The following TSBP1 variants were observed in gnomAD, a reference collection of about 807,000 sequenced individuals.
TSBP1 encodes the protein testis expressed basic protein 1.
TSBP1 carries 56 observed loss-of-function variants against 68.8 expected under a neutral mutation model. That is an observed-to-expected ratio of 0.81 (90% CI 0.66 to 1.02). TSBP1 has a LOEUF of 1.02. Among genes scored for constraint, TSBP1 ranks in the 50% least tolerant of loss-of-function variants. TSBP1 has a pLI of 0.00. For missense variants in TSBP1, 502 were observed against 641.2 expected, an observed-to-expected ratio of 0.78 and a Z score of 2.34; for synonymous variants, 171 against 208.7, an observed-to-expected ratio of 0.82 and a Z score of 1.56.
intron 9 of TSBP1, 144 bp downstream of exon 9, chr6:32,349,596 T>C: frequency 1.6e-6 from 1 of 614,392 alleles, no homozygotes; most frequent in Non-Finnish European, 2.9e-6. Context: ...AGTGTCTGGT[T>C]ATGGAGAACA....
chr6:32,301,961 TC>T (rs879587892), intron 20 of TSBP1, among the ~76,000 whole-genome samples: 18,817 of 116,022 alleles, frequency 0.16, 1,577 homozygotes, highest in South Asian at 0.3. Flanking sequence ...ATAGTTGAAA[TC>T]ATCATCATAA....
rs9279612 is a variant in TSBP1, at chr6:32,370,407, GTATATATA to G, written c.14-432_14-425del. Among the ~76,000 whole-genome samples, 932 of 130,698 alleles carry G rather than the reference GTATATATA, an allele frequency of 7.1e-3. 19 individuals carry two copies. The highest frequency in any genetic ancestry group is 0.023 in the Middle Eastern group (6 of 262). 85.7% of individuals were successfully genotyped at this position (130,698 alleles called of 152,430 possible). ...TACCTTTAAAGTTGCAAGATTTTCT[GTATATATA>G]TATATATATATATATATATATATAT... On this transcript the variant is annotated intron_variant, in intron 1 of 22. Coordinates refer to ENST00000612031, the Ensembl canonical transcript of TSBP1.
At chr6:32,358,246 T>G (rs1486146680) in intron 6 of TSBP1, among the ~76,000 whole-genome samples, 1 of 152,188 alleles carries the variant, frequency 6.6e-6, no homozygotes, top group African/African-American at 2.4e-5. Context: ...CTTCTTGCAC[T>G]GGTTAAATCT....
chr6:32,303,667 T>G (rs1765520634), intron 19 of TSBP1, among the ~76,000 whole-genome samples: 1 of 152,190 alleles, frequency 6.6e-6, no homozygotes. Context: ...AATAAATTTC[T>G]GTGATTTGCC....
Position 32,338,463 on chromosome 6 carries a change from A to T in TSBP1, c.409+516T>A, listed in dbSNP as rs144337905. Among the ~76,000 whole-genome samples, 1 of 152,130 alleles carries T rather than the reference A, an allele frequency of 6.6e-6. No individual in the cohort carries two copies. The highest frequency in any genetic ancestry group is 6.5e-5 in the Admixed American group (1 of 15,288). On this transcript the variant is annotated intron_variant, in intron 11 of 22. Transcript: ENST00000612031. The surrounding 1 kb of genome is among the most constrained non-coding windows in gnomAD (Gnocchi z 5.5). ...ACTTATTCCTTATTCTCTATTCCCA[A>T]CCAGTGCTTCTTCCAGAGATATATG...
At chr6:32,342,615 G>A (rs949772816) in intron 9 of TSBP1, among the ~76,000 whole-genome samples, 2 of 152,180 alleles carry the variant, frequency 1.3e-5, no homozygotes, top group Non-Finnish European at 2.9e-5. Flanking sequence ...TCTAGAGTCT[G>A]CATACTTAAC....
rs748893370 is a variant in TSBP1 at position 32,338,988 on chromosome 6, C to T, written c.400G>A (p.Gly134Arg). Reference sequence around the variant, plus strand: ...CAGAAAAAGAACTTACTCATGGCTCCTGCAGTTCTGGCTAAAATACAAACA... The same window carrying T: ...CAGAAAAAGAACTTACTCATGGCTCTTGCAGTTCTGGCTAAAATACAAACA... Residue 134 changes from glycine to arginine, a missense_variant, in exon 11 of 23, where the codon GGA becomes AGA. Gly to Arg is a moderately radical substitution (Grantham distance 125, BLOSUM62 -2). Transcript: ENST00000612031. The surrounding 1 kb of genome is among the most constrained non-coding windows in gnomAD (Gnocchi z 5.5). The T allele has an allele frequency of 1.9e-6, 3 of 1,611,894 alleles. No homozygotes were observed. The highest frequency in any genetic ancestry group is 2.2e-5 in the East Asian group (1 of 44,850).
chr6:32,366,757 C>A (rs7769717), intron 4 of TSBP1, among the ~76,000 whole-genome samples: 1 of 83,350 alleles, frequency 1.2e-5, no homozygotes, highest in Admixed American at 1.5e-4. Flanking sequence ...TGCGAGACTC[C>A]GTCTCAAAAA....
At chr6:32,330,630 A>C in intron 15 of TSBP1, 21 bp from the exon 17 acceptor site, 3 of 1,545,174 alleles carry the variant, frequency 1.9e-6, no homozygotes, top group Admixed American at 1.9e-5. Context: ...GAAACAAACA[A>C]ATTAAACACA....
At chr6:32,348,453 A>G (rs149457394) in intron 9 of TSBP1, among the ~76,000 whole-genome samples, 273 of 128,894 alleles carry the variant, frequency 2.1e-3, no homozygotes, top group Non-Finnish European at 3.1e-3. Flanking sequence ...GTATTGGATT[A>G]GCACACTAAG....
At chr6:32,358,057 A>C (rs1461192743) in intron 6 of TSBP1, among the ~76,000 whole-genome samples, 1 of 152,084 alleles carries the variant, frequency 6.6e-6, no homozygotes, top group African/African-American at 2.4e-5. Flanking sequence ...TGGGTAGCTC[A>C]CCTTTGTGTG....
chr6:32,366,207 T>A lies in TSBP1; in HGVS notation c.197-20A>T. ...AAGTGTCTAGAGAATTGAAGAAAAA[T>A]TATAAGATTCTTAATTTCTCATAAA... On this transcript the variant is annotated intron_variant, in intron 5 of 22. Transcript: ENST00000612031. 6.3e-7 allele frequency: 1 copy of A among 1,593,704 alleles called. No homozygotes were observed. The highest frequency in any genetic ancestry group is 8.5e-7 in the Non-Finnish European group (1 of 1,172,960).
rs938528210 is a variant in TSBP1 at position 32,369,884 on chromosome 6, C to A, written c.100+13G>T. ...TTCACAGGAAATCTTCATTTTGACT[C>A]ATTATTACTCACCACTTTGCTTACA... On this transcript the variant is annotated intron_variant, in intron 2 of 22. Coordinates refer to ENST00000612031, the Ensembl canonical transcript of TSBP1. The A allele has an allele frequency of 1.6e-5, 24 of 1,515,382 alleles. No homozygotes were observed. The highest frequency in any genetic ancestry group is 2.2e-5 in the Non-Finnish European group (24 of 1,090,934). The allele number at this position is 1,515,382 out of a possible 1,614,324, so 93.9% of individuals were successfully genotyped here. A position where few individuals can be genotyped will look rare whatever the true frequency, so the allele number is the denominator to read the frequency against.
rs140326264 is a variant in TSBP1, at chr6:32,293,287, C to G, written c.1386G>C (p.Glu462Asp). 1.9e-6 allele frequency: 3 copies of G among 1,612,516 alleles called. No individual in the cohort carries two copies. In the African/African-American group the frequency reaches 4.0e-5, roughly 22 times the overall value. The stretch of plus-strand genomic sequence containing the variant: ...ATTCCAGTGTTTCTGGTACACTCAC[C>G]TCAGTGTTCTTTACTTGGGATTCTG... Residue 462 changes from glutamate to aspartate, a missense_variant, in exon 23 of 23, where the codon GAG (glutamate) becomes GAC (aspartate). Glu to Asp is a conservative substitution (Grantham distance 45, BLOSUM62 2). Transcript: ENST00000612031.
intron 7 of TSBP1, 107 bp downstream of exon 7, chr6:32,355,542 A>G (rs1772203775): frequency 4.2e-6 from 6 of 1,415,452 alleles, no homozygotes; most frequent in African/African-American, 1.4e-5. Context: ...TAGTATTCAT[A>G]TGACTTGACA....
At position 32,315,173 on chromosome 6, in the gene TSBP1, C is replaced by T. The variant is rs564742627; in HGVS notation, c.580+599G>A. 6.6e-6 allele frequency among the ~76,000 whole-genome samples: 1 copy of T among 152,070 alleles called. No individual in the cohort carries two copies. The highest frequency in any genetic ancestry group is 1.5e-5 in the Non-Finnish European group (1 of 68,020). On this transcript the variant is annotated intron_variant, in intron 19 of 22. Coordinates refer to ENST00000612031, the Ensembl canonical transcript of TSBP1. This position sits in a 1 kb window ranked among gnomAD's most constrained non-coding sequence, Gnocchi z 5.4. ...GGACACAGTGTGAAAGGTGCTTTCACGAATTCTATATTAAATATCATCATG... is the reference window on the plus strand; with the variant it reads ...GGACACAGTGTGAAAGGTGCTTTCATGAATTCTATATTAAATATCATCATG...
chr6:32,369,659 G>A (rs1056877384), intron 2 of TSBP1, among the ~76,000 whole-genome samples: 4 of 148,138 alleles, frequency 2.7e-5, no homozygotes, highest in African/African-American at 7.4e-5. Context: ...GTGAGCCACC[G>A]CTCCCGGCCT....
exon 23 of TSBP1, chr6:32,293,702 T>C: frequency 6.2e-7 from 1 of 1,613,070 alleles, no homozygotes; most frequent in South Asian, 1.1e-5. Flanking sequence ...CACACTTTTC[T>C]TTATTTGGGC....
chr6:32,307,479 T>C (rs1032211912), intron 19 of TSBP1, among the ~76,000 whole-genome samples: 1 of 152,180 alleles, frequency 6.6e-6, no homozygotes, highest in African/African-American at 2.4e-5. Context: ...GTTGAAGGAA[T>C]TGGTGGTCAA....
Sources: gnomAD v4.1 joint callset for allele counts (sites outside exome capture counted in the v4.1 genomes callset) on GRCh38, gnomAD v4.1.1 for gene constraint, Gnocchi (gnomAD v3.1) non-coding constraint, MANE v1.5 for transcripts, NCBI Gene and HGNC (gene_info 2026-07-23, HGNC 2026-07-21) for gene names.